Variants in CSMD3 observed in about 807,000 individuals in gnomAD.
CSMD3 encodes CUB and Sushi multiple domains 3, also known as CUB and sushi domain-containing protein 3.
A neutral mutation model predicts 435.2 loss-of-function variants in CSMD3; 177 were observed. The observed-to-expected ratio is 0.41, with a 90% CI of 0.36 to 0.46. CSMD3 has a LOEUF of 0.46. Among genes scored for constraint, CSMD3 ranks in the 20% least tolerant of loss-of-function variants. CSMD3 has a pLI of 0.34. For missense variants in CSMD3, 4,265 were observed against 4,504.6 expected (o/e 0.95, Z 1.52); for synonymous variants, 1,656 against 1,520.5 (o/e 1.09, Z -2.07).
At chr8:112,796,042 T>TGCAC (rs1263795496) in intron 13 of CSMD3, among the ~76,000 whole-genome samples, 11 of 152,118 alleles carry the variant, frequency 7.2e-5, no homozygotes, top group Admixed American at 2.0e-4. Context: ...TGCACGTGCA[T>TGCAC]GCCTATGTTT....
At chr8:113,000,747 C>T (rs1217324210) in intron 6 of CSMD3, among the ~76,000 whole-genome samples, 1 of 151,964 alleles carries the variant, frequency 6.6e-6, no homozygotes. Context: ...AATCATTAAA[C>T]TCCATCCATT....
chr8:112,993,442 G>T (rs375786678), intron 6 of CSMD3, among the ~76,000 whole-genome samples: 1 of 151,786 alleles, frequency 6.6e-6, no homozygotes, highest in South Asian at 2.1e-4. Flanking sequence ...AATGGCATGC[G>T]TTGGATTCTT....
At chr8:112,701,065 C>T (rs2076378637) in intron 13 of CSMD3, among the ~76,000 whole-genome samples, 2 of 152,230 alleles carry the variant, frequency 1.3e-5, no homozygotes, top group African/African-American at 4.8e-5. Context: ...AACTTTTCCC[C>T]CTCTTTCTTG....
intron 4 of CSMD3, among the ~76,000 whole-genome samples, chr8:113,104,964 A>T (rs955844693): frequency 6.6e-6 from 1 of 152,118 alleles, no homozygotes; most frequent in South Asian, 2.1e-4. Context: ...AGAAAATGAG[A>T]GACAGTTAAT....
At chr8:112,571,735 G>T (rs1829533216) in intron 24 of CSMD3, among the ~76,000 whole-genome samples, 1 of 152,004 alleles carries the variant, frequency 6.6e-6, no homozygotes, top group African/African-American at 2.4e-5. Context: ...CAGGCATGGT[G>T]GCGGGTGCCT....
rs115933816 is a variant in CSMD3, at chr8:112,292,045, A to G, written c.8789-350T>C. Among the ~76,000 whole-genome samples the G allele has an allele frequency of 3.6e-3, 545 of 152,226 alleles. 2 individuals are homozygous for G. The highest frequency in any genetic ancestry group is 1.0e-2 in the African/African-American group (415 of 41,580). On this transcript the variant is annotated intron_variant, in intron 55 of 70. Transcript: ENST00000297405. ...GTTGTATTTTGTCATACAATATGAA[A>G]TATACTTCTTTGCAAACTGGAAAAA... is the stretch of plus-strand genomic sequence containing the variant.
At chr8:113,187,831 C>A (rs1221224495) in intron 3 of CSMD3, among the ~76,000 whole-genome samples, 1 of 151,926 alleles carries the variant, frequency 6.6e-6, no homozygotes, top group Non-Finnish European at 1.5e-5. Context: ...TCCAATTTCT[C>A]ACCTGATGAT....
chr8:112,328,411 T>A (rs1171892604), intron 45 of CSMD3, among the ~76,000 whole-genome samples: 2 of 152,198 alleles, frequency 1.3e-5, no homozygotes. Flanking sequence ...AAGATAGAAG[T>A]GTGTTCCAGC....
chr8:112,457,207 A>C (rs1441895224), intron 32 of CSMD3, among the ~76,000 whole-genome samples: 1 of 152,058 alleles, frequency 6.6e-6, no homozygotes, highest in East Asian at 1.9e-4. Context: ...ATTAATATTG[A>C]AAATAATTGG....
chr8:112,790,664 T>C (rs1460470001), intron 13 of CSMD3, among the ~76,000 whole-genome samples: 2 of 151,984 alleles, frequency 1.3e-5, no homozygotes, highest in Non-Finnish European at 2.9e-5. Context: ...TATAACCTAC[T>C]GAGAAAAAAA....
At chr8:112,654,885 A>C (rs2075218510) in intron 18 of CSMD3, among the ~76,000 whole-genome samples, 1 of 152,324 alleles carries the variant, frequency 6.6e-6, no homozygotes, top group African/African-American at 2.4e-5. Context: ...AGTGAGAATT[A>C]GTTTTGAAGT....
rs569095920 is a variant in CSMD3, at chr8:112,877,587, A to C, written c.1634-18321T>G. 7.2e-5 allele frequency among the ~76,000 whole-genome samples: 11 copies of C among 152,236 alleles called. No individual in the cohort carries two copies. In the East Asian group the frequency reaches 2.1e-3, roughly 30 times the overall value. On this transcript the variant is annotated intron_variant, in intron 10 of 70. Coordinates refer to ENST00000297405, the MANE Select transcript of CSMD3 (RefSeq NM_198123.2). Reference sequence around the variant, plus strand: ...CTGACCTTAAATTTCATATGGAACCAAAAAAGAGTCCATATAGCCAAGACA... The same window carrying C: ...CTGACCTTAAATTTCATATGGAACCCAAAAAGAGTCCATATAGCCAAGACA...
intron 11 of CSMD3, among the ~76,000 whole-genome samples, chr8:112,840,212 G>C (rs374177514): frequency 1.3e-5 from 2 of 151,676 alleles, no homozygotes; most frequent in Non-Finnish European, 3.0e-5. Context: ...GACTGGGGAA[G>C]GGTTTTTATT....
chr8:112,817,379 T>C (rs1336083760), intron 12 of CSMD3, among the ~76,000 whole-genome samples: 1 of 152,088 alleles, frequency 6.6e-6, no homozygotes, highest in African/African-American at 2.4e-5. Context: ...CTCCAATAAA[T>C]TATATACATT....
chr8:112,274,621 A>G (rs1817857031), intron 59 of CSMD3, among the ~76,000 whole-genome samples: 1 of 152,212 alleles, frequency 6.6e-6, no homozygotes. Flanking sequence ...TCTGGAGCTG[A>G]CATGGGGCCA....
intron 22 of CSMD3, among the ~76,000 whole-genome samples, chr8:112,594,311 G>A (rs374790740): frequency 6.6e-5 from 10 of 152,270 alleles, no homozygotes; most frequent in South Asian, 2.1e-4. Context: ...TTTTCGGACC[G>A]GCTTAAAAAA....
chr8:112,925,338 T>C lies in CSMD3; in HGVS notation c.1509-3587A>G, dbSNP rs555231362. Among the ~76,000 whole-genome samples, 238 of 151,934 alleles carry C rather than the reference T, an allele frequency of 1.6e-3. 1 individual carries two copies. The highest frequency in any genetic ancestry group is 3.4e-3 in the Middle Eastern group (1 of 294). On this transcript the variant is annotated intron_variant, in intron 9 of 70. Transcript: ENST00000297405. ...CTCTGGGAGGCCAAGGAGGGAGGAT[T>C]ACGAGGTCAGGAGATCGAGACCATC... is the stretch of plus-strand genomic sequence containing the variant.
chr8:113,224,894 C>T (rs181192939), intron 3 of CSMD3, among the ~76,000 whole-genome samples: 2 of 151,040 alleles, frequency 1.3e-5, no homozygotes, highest in Non-Finnish European at 3.0e-5. Context: ...GATTCATTTG[C>T]TTATTGAAAT....
chr8:113,408,811 T>G (rs2094544716), intron 1 of CSMD3, among the ~76,000 whole-genome samples: 1 of 151,770 alleles, frequency 6.6e-6, no homozygotes, highest in South Asian at 2.1e-4. Context: ...ACTACAGGCG[T>G]GTGCCACCAC....
Sources: gnomAD v4.1 joint callset for allele counts (sites outside exome capture counted in the v4.1 genomes callset) on GRCh38, gnomAD v4.1.1 for gene constraint, MANE v1.5 for transcripts, NCBI Gene and HGNC (gene_info 2026-07-23, HGNC 2026-07-21) for gene names.